ITFG2: variants seen among roughly 807,000 people sequenced by gnomAD.
ITFG2 encodes the protein KICSTOR complex protein ITFG2.
In ITFG2, 36 loss-of-function variants were observed where a neutral mutation model predicts 54.4. The observed-to-expected ratio is 0.66, with a 90% confidence interval of 0.51 to 0.87. The LOEUF is 0.87. Ranked by LOEUF, ITFG2 falls within the 40% of genes least tolerant of loss-of-function variation. The pLI is 0.00. For synonymous variants in ITFG2, 211 were observed against 225.4 expected, an observed-to-expected ratio of 0.94 and a Z score of 0.57; for missense variants, 524 against 576.7, an observed-to-expected ratio of 0.91 and a Z score of 0.94.
At position 2,845,141 on chromosome 12, in the gene ITFG2, G is replaced by A. The variant is rs2098050522; in HGVS notation, n.300+4146G>A. Among the ~76,000 whole-genome samples the A allele has an allele frequency of 1.3e-5, 2 of 151,326 alleles. No individual in the cohort carries two copies. The highest frequency in any genetic ancestry group is 3.9e-4 in the East Asian group (2 of 5,140). The stretch of plus-strand genomic sequence containing the variant: ...CTCGGTGGCAGCACAACTAAGGACA[G>A]GGCTCAGTGATGGAAAAGAGGCATG... On this transcript the variant is annotated intron_variant and non_coding_transcript_variant, in intron 2 of 3. Transcript: ENST00000537710. The surrounding 1 kb of genome is among the most constrained non-coding windows in gnomAD (Gnocchi z 4.2).
At chr12:2,852,364 G>T (rs1240638816) in intron 2 of ITFG2, among the ~76,000 whole-genome samples, 2 of 151,496 alleles carry the variant, frequency 1.3e-5, no homozygotes, top group East Asian at 4.0e-4. Flanking sequence ...CCTGCTGTGG[G>T]AACTGTTTTT....
In ITFG2 at chr12:2,812,745, T is replaced by A; in HGVS notation, c.-16T>A. The A allele has an allele frequency of 6.3e-7, 1 of 1,592,220 alleles. No individual in the cohort carries two copies. Among genetic ancestry groups the A allele is most frequent in the Non-Finnish European group, 8.6e-7 (1 of 1,161,430 alleles). ...ATTTACTGGGCCTCTCCGCTCCCTC[T>A]GCTCTTGGAGGTGCCATGAGGTCAG... On this transcript the variant is annotated 5_prime_UTR_variant, in exon 1 of 12. Coordinates refer to ENST00000228799, the MANE Select transcript of ITFG2 (RefSeq NM_018463.4).
intron 1 of ITFG2, among the ~76,000 whole-genome samples, chr12:2,839,561 G>GT (rs1163728548): frequency 3.3e-5 from 5 of 152,050 alleles, no homozygotes; most frequent in African/African-American, 9.7e-5. Flanking sequence ...TATGAATGAA[G>GT]TTTTTTTTCA....
chr12:2,820,707 C>T lies in ITFG2; in HGVS notation c.547-17C>T. 1 of 1,374,158 alleles carries T rather than the reference C, an allele frequency of 7.3e-7. No homozygotes were observed. The highest frequency in any genetic ancestry group is 1.6e-5 in the African/African-American group (1 of 64,340). The allele number at this position is 1,374,158 out of a possible 1,614,324, so 85.1% of individuals were successfully genotyped here. On this transcript the variant is annotated splice_polypyrimidine_tract_variant and intron_variant, in intron 5 of 11. Coordinates refer to ENST00000228799, the MANE Select transcript of ITFG2 (RefSeq NM_018463.4). ...CCTTCTCTCTCCGTCTCCCTTTAAT[C>T]CCATTCCCTGGTGCAGGTGGACAGC... is the stretch of plus-strand genomic sequence containing the variant.
chr12:2,850,000 C>A (rs1465209793), intron 2 of ITFG2, among the ~76,000 whole-genome samples: 1 of 152,164 alleles, frequency 6.6e-6, no homozygotes, highest in South Asian at 2.1e-4. Flanking sequence ...TATGACTCAG[C>A]GCACTTTGCC....
upstream of ITFG2, chr12:2,834,787 G>T (rs537635068): frequency 1.9e-6 from 3 of 1,613,636 alleles, no homozygotes; most frequent in Non-Finnish European, 1.7e-6. Flanking sequence ...CTGCCCCCTC[G>T]TCCTGGCTTC....
chr12:2,835,093 AGCTG>A, upstream of ITFG2: 1 of 1,437,964 alleles, frequency 7.0e-7, no homozygotes, highest in Non-Finnish European at 9.1e-7. Flanking sequence ...CAGGGCCCAC[AGCTG>A]GCTGACTTGG....
rs1428849414 is a variant in ITFG2, at chr12:2,820,724, G to A, written c.547G>A (p.Val183Met). The part of the protein sequence containing the change: ...SLKKWMLEGQ[V>M]DSLSVTLGPL... ...CCTTTAATCCCATTCCCTGGTGCAG[G>A]TGGACAGCCTCTCAGTGACTCTGGG... The change falls in exon 6 of 12, where the codon GTG becomes ATG. Residue 183 changes from valine (V) to methionine (M), a missense_variant and splice_region_variant. By Grantham distance (21) the Val-to-Met change is conservative. Coordinates refer to ENST00000228799, the MANE Select transcript of ITFG2 (RefSeq NM_018463.4). 1.2e-6 allele frequency: 2 copies of A among 1,612,958 alleles called. No individual in the cohort carries two copies. Among genetic ancestry groups the A allele is most frequent in the African/African-American group, 1.3e-5 (1 of 74,682 alleles).
intron 2 of ITFG2, chr12:2,857,211 G>A (rs2098090224): frequency 1.6e-6 from 1 of 607,570 alleles, no homozygotes; most frequent in Admixed American, 2.8e-5. Flanking sequence ...AGACAGGCAG[G>A]GGATAGCACT....
rs1425145114 is a variant in ITFG2 at position 2,824,313 on chromosome 12, G to A, written c.*120G>A. The A allele has an allele frequency of 1.9e-6, 2 of 1,064,286 alleles. No individual in the cohort carries two copies. Among genetic ancestry groups the A allele is most frequent in the African/African-American group, 3.1e-5 (2 of 64,048 alleles). The allele number at this position is 1,064,286 out of a possible 1,614,324, so 65.9% of individuals were successfully genotyped here. On this transcript the variant is annotated 3_prime_UTR_variant, in exon 12 of 12. Coordinates refer to ENST00000228799, the MANE Select transcript of ITFG2 (RefSeq NM_018463.4). ...TACAGAAATGCAGGATTTGACTCTG[G>A]GCATGAAAGATGGCAGCAGCCCTAG...
chr12:2,837,477 C>CA lies in ITFG2; in HGVS notation n.146+531dup, dbSNP rs148729301. On this transcript the variant is annotated intron_variant and non_coding_transcript_variant, in intron 1 of 3. Coordinates refer to the ITFG2 transcript ENST00000537710. Reference sequence around the variant, plus strand: ...TAGGCGACAGAGAGAGACTCCGTCTCAAAAAAAAAATTAGCTGGGCATGGT... The same window carrying CA: ...TAGGCGACAGAGAGAGACTCCGTCTCAAAAAAAAAAATTAGCTGGGCATGGT... 5.7e-4 allele frequency among the ~76,000 whole-genome samples: 80 copies of CA among 140,726 alleles called. 2 individuals are homozygous for CA. Among genetic ancestry groups the CA allele is most frequent in the African/African-American group, 1.8e-3 (67 of 37,940 alleles). 92.3% of individuals were successfully genotyped at this position (140,726 alleles called of 152,430 possible).
exon 3 of ITFG2, chr12:2,830,886 G>A: frequency 1.2e-6 from 2 of 1,606,966 alleles, no homozygotes; most frequent in Non-Finnish European, 1.7e-6. Context: ...AACAATGAAG[G>A]TAGGCAGTTC....
At chr12:2,820,313 G>C in intron 5 of ITFG2, 88 bp downstream of exon 5, 2 of 1,423,708 alleles carry the variant, frequency 1.4e-6, no homozygotes, top group Non-Finnish European at 1.9e-6. Context: ...TCATGGGACA[G>C]GGCCAGGGTG....
chr12:2,853,613 G>GT lies in ITFG2; in HGVS notation n.301-4390dup, dbSNP rs1394161799. On this transcript the variant is annotated intron_variant and non_coding_transcript_variant, in intron 2 of 3. Coordinates refer to the ITFG2 transcript ENST00000537710. Reference sequence around the variant, plus strand: ...TGTTGTTGTTTTTGTTTTTGTTTTTGTTTTTTTTTCAGATTAAAAATCTTC... The same window carrying GT: ...TGTTGTTGTTTTTGTTTTTGTTTTTGTTTTTTTTTTCAGATTAAAAATCTTC... Among the ~76,000 whole-genome samples, 1,012 of 114,034 alleles carry GT rather than the reference G, an allele frequency of 8.9e-3. 9 individuals carry two copies. Among genetic ancestry groups the GT allele is most frequent in the Middle Eastern group, 0.027 (5 of 184 alleles). 74.8% of individuals were successfully genotyped at this position (114,034 alleles called of 152,430 possible). A position where few individuals can be genotyped will look rare whatever the true frequency, so the allele number is the denominator to read the frequency against.
At chr12:2,830,551 G>T in intron 2 of ITFG2, 1 of 691,674 alleles carries the variant, frequency 1.4e-6, no homozygotes, top group Non-Finnish European at 2.4e-6. Flanking sequence ...GGGGCAGGGA[G>T]GAAGGAGGTA....
intron 2 of ITFG2, among the ~76,000 whole-genome samples, chr12:2,844,692 A>G (rs1039659006): frequency 2.6e-5 from 4 of 151,858 alleles, no homozygotes; most frequent in Non-Finnish European, 5.9e-5. Context: ...TCCCGCTTCC[A>G]TTCCCCTGTA....
intron 1 of ITFG2, among the ~76,000 whole-genome samples, chr12:2,840,197 C>A (rs905493163): frequency 2.6e-5 from 4 of 152,030 alleles, no homozygotes; most frequent in Admixed American, 2.6e-4. Flanking sequence ...GCCTATAATT[C>A]CAGCACTTTG....
At chr12:2,821,187 G>A in intron 6 of ITFG2, 75 bp from the exon 7 acceptor site, 2 of 1,163,672 alleles carry the variant, frequency 1.7e-6, no homozygotes, top group South Asian at 2.7e-5. Flanking sequence ...GCTCTTGCAG[G>A]GATAGGGGTT....
intron 1 of ITFG2, 55 bp downstream of exon 1, chr12:2,812,911 G>A: frequency 6.7e-7 from 1 of 1,491,946 alleles, no homozygotes. Flanking sequence ...GACGGGGCAA[G>A]GGAAGTGGAA....
Sources: gnomAD v4.1 joint callset for allele counts (sites outside exome capture counted in the v4.1 genomes callset) on GRCh38, gnomAD v4.1.1 for gene constraint, Gnocchi (gnomAD v3.1) non-coding constraint, MANE v1.5 for transcripts, NCBI Gene and HGNC (gene_info 2026-07-23, HGNC 2026-07-21) for gene names.